Variants in CNTN5 observed in about 807,000 individuals in gnomAD.
CNTN5 encodes the protein contactin 5.
CNTN5 carries 77 observed loss-of-function variants against 129.1 expected under a neutral mutation model. That is an observed-to-expected ratio of 0.60 (90% CI 0.50 to 0.72). CNTN5 has a LOEUF of 0.72. Among genes scored for constraint, CNTN5 ranks in the 30% least tolerant of loss-of-function variants. The pLI is 0.00. For synonymous variants in CNTN5, 509 were observed against 465.6 expected, an observed-to-expected ratio of 1.09 and a Z score of -1.20; for missense variants, 1,478 against 1,328.8, an observed-to-expected ratio of 1.11 and a Z score of -1.75.
At chr11:99,342,571 CAAAAAAAAA>C (rs58710723) in intron 2 of CNTN5, among the ~76,000 whole-genome samples, 13 of 24,496 alleles carry the variant, frequency 5.3e-4, no homozygotes, top group African/African-American at 8.4e-4. Context: ...CCCGTTATCT[CAAAAAAAAA>C]AAAAAAAAAA....
intron 3 of CNTN5, among the ~76,000 whole-genome samples, chr11:99,718,487 G>A (rs1363640287): frequency 6.6e-6 from 1 of 152,098 alleles, no homozygotes; most frequent in Non-Finnish European, 1.5e-5. Context: ...ATATAGACAA[G>A]TAAAACATGT....
chr11:99,182,013 C>G (rs956684606), intron 1 of CNTN5, among the ~76,000 whole-genome samples: 4 of 152,154 alleles, frequency 2.6e-5, no homozygotes, highest in Admixed American at 1.3e-4. Context: ...TATGATGCCT[C>G]TCATTGCAAG....
At chr11:100,340,951 CT>C (rs1286553953) in intron 22 of CNTN5, 141 bp from the exon 23 acceptor site, 1 of 671,558 alleles carries the variant, frequency 1.5e-6, no homozygotes, top group Non-Finnish European at 2.6e-6. Flanking sequence ...CAAAACCCTC[CT>C]TATCTGACTC....
chr11:99,972,976 C>T lies in CNTN5; in HGVS notation c.877+15967C>T, dbSNP rs555977386. Among the ~76,000 whole-genome samples the T allele has an allele frequency of 1.1e-4, 16 of 145,938 alleles. 1 individual carries two copies. The East Asian group carries it at 2.6e-3, about 24-fold the overall frequency. ...CATGGTGAGAACTAATCATTACTTGCGACATGTTTTTTTAAAAAGATACAT... is the reference window on the plus strand; with the variant it reads ...CATGGTGAGAACTAATCATTACTTGTGACATGTTTTTTTAAAAAGATACAT... On this transcript the variant is annotated intron_variant, in intron 8 of 24. Transcript: ENST00000524871.
intron 2 of CNTN5, among the ~76,000 whole-genome samples, chr11:99,334,828 T>C (rs969555620): frequency 0.03 from 33 of 1,092 alleles, no homozygotes; most frequent in African/African-American, 0.032. Flanking sequence ...TTTAAAATAA[T>C]TCTTTTTTCT....
intron 3 of CNTN5, among the ~76,000 whole-genome samples, chr11:99,645,319 T>G (rs1951918280): frequency 6.8e-6 from 1 of 147,594 alleles, no homozygotes; most frequent in African/African-American, 2.5e-5. Context: ...TTTCTGAGAC[T>G]TAAACTACTC....
At chr11:99,164,056 A>T (rs1032900496) in intron 1 of CNTN5, among the ~76,000 whole-genome samples, 5 of 152,170 alleles carry the variant, frequency 3.3e-5, no homozygotes, top group Non-Finnish European at 5.9e-5. Flanking sequence ...GGCAGGGCGC[A>T]GTGGCTCATG....
chr11:99,834,018 G>A (rs1331974085), intron 4 of CNTN5, among the ~76,000 whole-genome samples: 1 of 152,166 alleles, frequency 6.6e-6, no homozygotes, highest in South Asian at 2.1e-4. Flanking sequence ...ATTTTTGTGA[G>A]TGAAAATTCT....
intron 23 of CNTN5, among the ~76,000 whole-genome samples, chr11:100,349,607 C>A (rs1432864510): frequency 6.6e-6 from 1 of 151,760 alleles, no homozygotes; most frequent in Non-Finnish European, 1.5e-5. Context: ...ATTTTGTTTT[C>A]TTTTGCTATG....
intron 1 of CNTN5, among the ~76,000 whole-genome samples, chr11:99,180,101 A>C (rs115075456): frequency 6.6e-6 from 1 of 152,220 alleles, no homozygotes; most frequent in Admixed American, 6.5e-5. Context: ...ACACACACAC[A>C]CTACCTTAAA....
chr11:99,582,841 G>A (rs1484972466), intron 3 of CNTN5, among the ~76,000 whole-genome samples: 6 of 152,136 alleles, frequency 3.9e-5, no homozygotes, highest in Admixed American at 3.3e-4. Context: ...GTCATTCCCT[G>A]TCCAGCTTTG....
intron 2 of CNTN5, among the ~76,000 whole-genome samples, chr11:99,341,996 A>T (rs1866533696): frequency 6.6e-6 from 1 of 152,190 alleles, no homozygotes; most frequent in Non-Finnish European, 1.5e-5. Flanking sequence ...AAAAGTTATG[A>T]TTTAAACTTG....
At chr11:99,872,024 G>T (rs1318429742) in intron 6 of CNTN5, among the ~76,000 whole-genome samples, 1 of 151,804 alleles carries the variant, frequency 6.6e-6, no homozygotes, top group African/African-American at 2.4e-5. Flanking sequence ...CAATGGTTAT[G>T]CACAGTAAAA....
intron 9 of CNTN5, among the ~76,000 whole-genome samples, chr11:100,035,574 T>G (rs1216754066): frequency 3.5e-5 from 5 of 143,302 alleles, no homozygotes; most frequent in East Asian, 2.0e-4. Context: ...TGAACTAGTT[T>G]ACAGTCCCAC....
chr11:99,287,016 A>C (rs1440193579), intron 1 of CNTN5, among the ~76,000 whole-genome samples: 1 of 152,180 alleles, frequency 6.6e-6, no homozygotes, highest in Non-Finnish European at 1.5e-5. Context: ...AATTCTGAAG[A>C]AATTGTGTAT....
intron 13 of CNTN5, among the ~76,000 whole-genome samples, chr11:100,139,544 A>G (rs1038985318): frequency 5.9e-5 from 9 of 152,072 alleles, no homozygotes; most frequent in African/African-American, 2.2e-4. Context: ...CAGGGACAAA[A>G]GTCTCATTAG....
intron 1 of CNTN5, among the ~76,000 whole-genome samples, chr11:99,167,989 G>T (rs560663450): frequency 4.6e-5 from 7 of 151,128 alleles, no homozygotes; most frequent in Non-Finnish European, 8.8e-5. Context: ...AGGCTGGAGT[G>T]CAGTGATGTG....
intron 3 of CNTN5, among the ~76,000 whole-genome samples, chr11:99,697,796 A>C (rs965996275): frequency 6.6e-6 from 1 of 151,644 alleles, no homozygotes; most frequent in Middle Eastern, 3.2e-3. Flanking sequence ...CTATCTTTTA[A>C]ATTTTTCTGA....
At chr11:100,234,881 G>T (rs2138661515) in intron 16 of CNTN5, among the ~76,000 whole-genome samples, 1 of 149,378 alleles carries the variant, frequency 6.7e-6, no homozygotes, top group South Asian at 2.1e-4. Context: ...ACTTCTTTCT[G>T]CATAATCTCT....
Sources: allele counts gnomAD v4.1 joint callset (sites outside exome capture counted in the v4.1 genomes callset), GRCh38; gene constraint gnomAD v4.1.1; transcripts MANE v1.5; gene names NCBI Gene and HGNC (gene_info 2026-07-23, HGNC 2026-07-21).